EIF5B: variants seen among roughly 807,000 people sequenced by gnomAD.
EIF5B encodes the protein eIF-5B.
Under a neutral mutation model 147.5 loss-of-function variants are expected in EIF5B, and 47 were observed. The ratio of observed to expected loss-of-function variants is 0.32; its 90% confidence interval spans 0.25 to 0.41. The LOEUF is 0.41. EIF5B is among the 10% of genes least tolerant of loss of function. The probability of loss-of-function intolerance (pLI) is 1.00; values close to 1 mark genes in which losing one functional copy is unlikely to be tolerated. For synonymous variants in EIF5B, 455 were observed against 456.2 expected (o/e 1.00, Z 0.03); for missense variants, 1,064 against 1,413.2 (o/e 0.75, Z 3.96).
At chr2:99,387,501 T>G (rs1458641432) in intron 14 of EIF5B, among the ~76,000 whole-genome samples, 1 of 152,248 alleles carries the variant, frequency 6.6e-6, no homozygotes, top group Non-Finnish European at 1.5e-5. Context: ...ATTTATCTTT[T>G]GTTCCATTGC....
In EIF5B at chr2:99,401,154, T is replaced by A. The variant is rs1049425694; in HGVS notation, c.*1740T>A. On this transcript the variant is annotated 3_prime_UTR_variant, in exon 24 of 24. Transcript: ENST00000289371. Reference sequence around the variant, plus strand: ...AAAAGAAATTTAAAATTATAAAAACTCCGAGCATTACTATCATGCACTTTG... The same window carrying A: ...AAAAGAAATTTAAAATTATAAAAACACCGAGCATTACTATCATGCACTTTG... The A allele has an allele frequency of 1.4e-6, 1 of 711,910 alleles. No homozygotes were observed. Among genetic ancestry groups the A allele is most frequent in the African/African-American group, 1.8e-5 (1 of 56,060 alleles). 44.1% of individuals were successfully genotyped at this position (711,910 alleles called of 1,614,324 possible).
At chr2:99,338,922 G>GTGTGTATA (rs10644172) in intron 1 of EIF5B, among the ~76,000 whole-genome samples, 1 of 142,308 alleles carries the variant, frequency 7.0e-6, no homozygotes, top group African/African-American at 2.6e-5. Context: ...AGAAGTGTGT[G>GTGTGTATA]TATATATATA....
At chr2:99,339,205 GT>G (rs941834683) in intron 1 of EIF5B, among the ~76,000 whole-genome samples, 24 of 151,384 alleles carry the variant, frequency 1.6e-4, no homozygotes, top group Admixed American at 3.3e-4. Flanking sequence ...TAGAGACGGG[GT>G]TACTCCATGT....
chr2:99,361,402 T>G lies in EIF5B; in HGVS notation c.501T>G (p.Asp167Glu), dbSNP rs1239540433. The G allele has an allele frequency of 6.2e-7, 1 of 1,613,572 alleles. No individual in the cohort carries two copies. The highest frequency in any genetic ancestry group is 1.1e-5 in the South Asian group (1 of 91,040). The change falls in exon 4 of 24, where the codon GAT becomes GAG. Residue 167 changes from aspartate to glutamate, a missense_variant. By Grantham distance (45) the Asp-to-Glu change is conservative. This residue lies in a region of EIF5B where 458 missense variants were observed against 451.3 expected (regional missense o/e 1.01). Coordinates refer to ENST00000289371, the MANE Select transcript of EIF5B (RefSeq NM_015904.4). ...SNKKWDGSEEDEDNSKKIKER... is the reference protein window; with the variant it reads ...SNKKWDGSEEEEDNSKKIKER... ...AGAAGTGGGATGGGTCAGAGGAGGA[T>G]GAGGATAACAGTAAAAAAATTAAAG...
intron 1 of EIF5B, among the ~76,000 whole-genome samples, chr2:99,358,701 C>T (rs1244453338): frequency 6.6e-6 from 1 of 152,138 alleles, no homozygotes; most frequent in East Asian, 1.9e-4. Flanking sequence ...GCATAACACA[C>T]CTTGTTGCCT....
At chr2:99,368,771 G>A (rs1371638627) in intron 7 of EIF5B, among the ~76,000 whole-genome samples, 180 bp downstream of exon 7, 1 of 152,192 alleles carries the variant, frequency 6.6e-6, no homozygotes, top group East Asian at 1.9e-4. Context: ...ACAAGCTAAT[G>A]GAAAAAGTAT....
At chr2:99,395,288 T>C (rs1336127506) in intron 21 of EIF5B, among the ~76,000 whole-genome samples, 1 of 152,204 alleles carries the variant, frequency 6.6e-6, no homozygotes, top group Non-Finnish European at 1.5e-5. Flanking sequence ...AGTACCTACA[T>C]TGCTGCAGTG....
intron 14 of EIF5B, among the ~76,000 whole-genome samples, chr2:99,387,096 C>T (rs1037921581): frequency 3.3e-5 from 5 of 151,888 alleles, no homozygotes; most frequent in African/African-American, 7.3e-5. Flanking sequence ...TTAGTAGAGA[C>T]GGGGTTTCAC....
At chr2:99,379,271 T>C (rs764507496) in intron 11 of EIF5B, 47 bp from the exon 12 acceptor site, 1 of 1,534,652 alleles carries the variant, frequency 6.5e-7, no homozygotes, top group South Asian at 1.2e-5. Context: ...TTTGCTGCTA[T>C]CTTTTCCATG....
intron 14 of EIF5B, 147 bp from the exon 15 acceptor site, chr2:99,389,571 A>G (rs1288223371): frequency 6.6e-6 from 4 of 603,180 alleles, no homozygotes; most frequent in Non-Finnish European, 1.0e-5. Context: ...GCAGTCTGAA[A>G]GGAGCTTTTG....
In EIF5B at chr2:99,379,015, C is replaced by A; in HGVS notation, c.1843-4C>A. The A allele has an allele frequency of 4.2e-6, 6 of 1,443,520 alleles. No homozygotes were observed. Among genetic ancestry groups the A allele is most frequent in the Non-Finnish European group, 4.6e-6 (5 of 1,094,648 alleles). The allele number at this position is 1,443,520 out of a possible 1,614,324, so 89.4% of individuals were successfully genotyped here. The stretch of plus-strand genomic sequence containing the variant: ...TTTTGATTTTTTTTTTTTTTTATTT[C>A]TAGAAACGGCGACTTGAACATAGTA... On this transcript the variant is annotated splice_region_variant and splice_polypyrimidine_tract_variant and intron_variant, in intron 10 of 23. Transcript: ENST00000289371.
In EIF5B at chr2:99,364,125, C is replaced by T. The variant is rs1157842578; in HGVS notation, c.1138-146C>T. 9 of 1,188,940 alleles carry T rather than the reference C, an allele frequency of 7.6e-6. No homozygotes were observed. The East Asian group carries it at 1.9e-4, about 25-fold the overall frequency. The allele number at this position is 1,188,940 out of a possible 1,614,324, so 73.6% of individuals were successfully genotyped here. ...GATATTAATTAATAATCATGTATAA[C>T]ATTTAAAATACTTTGATTTGGAATC... On this transcript the variant is annotated intron_variant, in intron 5 of 23. Coordinates refer to ENST00000289371, the MANE Select transcript of EIF5B (RefSeq NM_015904.4).
rs373822335 is a variant in EIF5B at position 99,361,568 on chromosome 2, T to C, written c.667T>C (p.Phe223Leu). 5.0e-6 allele frequency: 8 copies of C among 1,611,946 alleles called. No homozygotes were observed. The highest frequency in any genetic ancestry group is 2.2e-5 in the East Asian group (1 of 44,868). Residue 223 changes from phenylalanine to leucine, a missense_variant, in exon 4 of 24, where the codon TTC becomes CTC. Transcript: ENST00000289371. ...ESGNEDDDAS[F>L]KIKTVAQKKA... ...TGGGAATGAAGATGATGACGCCTCC[T>C]TCAAAATTAAGACAGTGGCCCAAAA...
At chr2:99,349,780 G>A (rs563485990) in intron 1 of EIF5B, among the ~76,000 whole-genome samples, 3 of 152,260 alleles carry the variant, frequency 2.0e-5, no homozygotes, top group Non-Finnish European at 2.9e-5. Flanking sequence ...TATCTATCAC[G>A]TCAAACACTT....
intron 4 of EIF5B, among the ~76,000 whole-genome samples, chr2:99,362,716 A>G (rs1279149728): frequency 1.3e-5 from 2 of 152,094 alleles, no homozygotes; most frequent in South Asian, 2.1e-4. Context: ...CAACAAAAGC[A>G]GTAGTTTTTC....
At chr2:99,375,649 T>A (rs1359341463) in intron 9 of EIF5B, among the ~76,000 whole-genome samples, 1 of 152,232 alleles carries the variant, frequency 6.6e-6, no homozygotes, top group Non-Finnish European at 1.5e-5. Flanking sequence ...AGTTTTGTTC[T>A]CCCATGGATT....
intron 16 of EIF5B, 39 bp downstream of exon 16, chr2:99,390,440 TTA>T: frequency 3.2e-6 from 5 of 1,572,818 alleles, no homozygotes; most frequent in South Asian, 1.2e-5. Flanking sequence ...TTTTTTTTTT[TTA>T]AAAATAGCAA....
chr2:99,361,719 A>G lies in EIF5B; in HGVS notation c.818A>G (p.Gln273Arg), dbSNP rs1461814065. 1.3e-6 allele frequency: 2 copies of G among 1,596,854 alleles called. No individual in the cohort carries two copies. Among genetic ancestry groups the G allele is most frequent in the East Asian group, 2.2e-5 (1 of 44,650 alleles). Reference sequence around the variant, plus strand: ...GATCAGAGTAAACAAAAGGAATCTCAAAGGAAATTTGAAGAAGAAACTGTA... The same window carrying G: ...GATCAGAGTAAACAAAAGGAATCTCGAAGGAAATTTGAAGAAGAAACTGTA... ...KKDQSKQKESQRKFEEETVKS... is the reference protein window; with the variant it reads ...KKDQSKQKESRRKFEEETVKS... The change falls in exon 4 of 24, where the codon CAA (glutamine) becomes CGA (arginine). Residue 273 changes from glutamine to arginine, a missense_variant. This residue lies in a region of EIF5B where 458 missense variants were observed against 451.3 expected (regional missense o/e 1.01). Coordinates refer to ENST00000289371, the MANE Select transcript of EIF5B (RefSeq NM_015904.4).
chr2:99,396,450 C>A (rs1440664448), intron 21 of EIF5B, among the ~76,000 whole-genome samples: 1 of 152,170 alleles, frequency 6.6e-6, no homozygotes, highest in Non-Finnish European at 1.5e-5. Context: ...TCTTCAGCAG[C>A]CAAGCTCAGT....
Sources: gnomAD v4.1 joint callset for allele counts (sites outside exome capture counted in the v4.1 genomes callset) on GRCh38, gnomAD v4.1.1 for gene constraint, gnomAD v4.1.1 regional missense constraint, MANE v1.5 for transcripts, NCBI Gene and HGNC (gene_info 2026-07-23, HGNC 2026-07-21) for gene names.